The following CERT1 variants were observed in gnomAD, a reference collection of about 807,000 sequenced individuals.
The protein encoded by CERT1 is ceramide transporter 1, also known as ceramide transfer protein.
A neutral mutation model predicts 87.9 loss-of-function variants in CERT1; 31 were observed. That is an observed-to-expected ratio of 0.35 (90% CI 0.27 to 0.48). The LOEUF is 0.48. Among genes scored for constraint, CERT1 ranks in the 20% least tolerant of loss-of-function variants. The pLI is 0.99. For missense variants in CERT1, 487 were observed against 758.0 expected, an observed-to-expected ratio of 0.64 and a Z score of 4.20; for synonymous variants, 289 against 250.9, an observed-to-expected ratio of 1.15 and a Z score of -1.44.
intron 7 of CERT1, among the ~76,000 whole-genome samples, chr5:75,412,810 G>A (rs191697392): frequency 6.6e-6 from 1 of 152,320 alleles, no homozygotes; most frequent in East Asian, 1.9e-4. Flanking sequence ...GAGTGAGTGA[G>A]TGAGTAGTCA....
downstream of CERT1, chr5:75,373,265 T>C (rs1475540872): frequency 2.6e-5 from 4 of 152,170 alleles, no homozygotes; most frequent in Admixed American, 6.5e-5. Flanking sequence ...TCAAACTCAG[T>C]CTGATTTGCT....
chr5:75,503,559 AAAGTTC>A (rs1165008890), intron 2 of CERT1, among the ~76,000 whole-genome samples: 3 of 151,986 alleles, frequency 2.0e-5, no homozygotes, highest in African/African-American at 7.2e-5. Context: ...AAGGGCAAGG[AAAGTTC>A]AAGTTCAATA....
intron 3 of CERT1, among the ~76,000 whole-genome samples, chr5:75,454,459 G>C (rs1764887945): frequency 2.0e-5 from 3 of 152,178 alleles, no homozygotes; most frequent in Admixed American, 2.0e-4. Flanking sequence ...CAGACAAAAA[G>C]CAAATAAAGC....
At chr5:75,415,411 G>A (rs989668705) in intron 7 of CERT1, among the ~76,000 whole-genome samples, 5 of 152,054 alleles carry the variant, frequency 3.3e-5, no homozygotes, top group African/African-American at 7.2e-5. Context: ...TTTTTTTCCC[G>A]CAGATCTTTG....
intron 7 of CERT1, among the ~76,000 whole-genome samples, chr5:75,412,256 G>A (rs1346486643): frequency 1.3e-5 from 2 of 151,960 alleles, no homozygotes; most frequent in Non-Finnish European, 2.9e-5. Flanking sequence ...GGTAATGTAA[G>A]CACCACACTT....
At chr5:75,459,821 G>A (rs1324822934) in intron 2 of CERT1, among the ~76,000 whole-genome samples, 1 of 151,906 alleles carries the variant, frequency 6.6e-6, no homozygotes, top group African/African-American at 2.4e-5. Context: ...AAATCAGCTG[G>A]GCGTGGTGGT....
chr5:75,430,812 G>A (rs551320977), intron 3 of CERT1, among the ~76,000 whole-genome samples: 2 of 152,146 alleles, frequency 1.3e-5, no homozygotes, highest in South Asian at 2.1e-4. Flanking sequence ...CAAGGCAGGA[G>A]AACTGCTTAA....
rs61610976 is a variant in CERT1, at chr5:75,405,016, AAACAACAAC to A, written c.931-1967_931-1959del. Among the ~76,000 whole-genome samples the A allele has an allele frequency of 4.0e-5, 6 of 151,854 alleles. No individual in the cohort carries two copies. The South Asian group carries it at 6.3e-4, about 16-fold the overall frequency. On this transcript the variant is annotated intron_variant, in intron 8 of 16. Coordinates refer to ENST00000643780, the MANE Select transcript of CERT1 (RefSeq NM_001379029.1). ...GGGTGGTAGAGCAAGACTCAGTCTC[AAACAACAAC>A]AACAACAACAACAACAAAAATTCTA...
At chr5:75,492,610 T>A (rs1289047026) in intron 2 of CERT1, among the ~76,000 whole-genome samples, 1 of 152,222 alleles carries the variant, frequency 6.6e-6, no homozygotes, top group African/African-American at 2.4e-5. Flanking sequence ...GTTCCCCTCA[T>A]ACCTCTTCCC....
At chr5:75,375,071 C>T, downstream of CERT1, 2 of 175,728 alleles carry the variant, frequency 1.1e-5, no homozygotes, top group Non-Finnish European at 2.4e-5. Context: ...GCACAGGCAC[C>T]TGAAAAAAAA....
chr5:75,371,846 C>G (rs1346669085), intron 17 of CERT1: 2 of 152,134 alleles, frequency 1.3e-5, no homozygotes, highest in Non-Finnish European at 1.5e-5. Context: ...ATGTAGGAAT[C>G]AGCTTAATGA....
upstream of CERT1, chr5:75,511,861 G>A: frequency 6.5e-7 from 1 of 1,532,712 alleles, no homozygotes. Flanking sequence ...AAGGGCGTTG[G>A]TCCGTCGCTC....
At chr5:75,423,689 T>C (rs1380373709) in intron 5 of CERT1, among the ~76,000 whole-genome samples, 1 of 152,196 alleles carries the variant, frequency 6.6e-6, no homozygotes, top group Admixed American at 6.5e-5. Flanking sequence ...CACAGGGAGC[T>C]ATGAACATTC....
chr5:75,484,362 C>T (rs1252330104), intron 2 of CERT1, among the ~76,000 whole-genome samples: 1 of 142,994 alleles, frequency 7.0e-6, no homozygotes, highest in Non-Finnish European at 1.5e-5. Flanking sequence ...AACCAGAAAA[C>T]AAATAACAAA....
intron 2 of CERT1, among the ~76,000 whole-genome samples, chr5:75,501,376 T>C (rs2112459764): frequency 6.6e-6 from 1 of 152,242 alleles, no homozygotes; most frequent in South Asian, 2.1e-4. Context: ...AACCAACCTA[T>C]GATAAGAATA....
At chr5:75,447,281 G>T (rs1764584583) in intron 3 of CERT1, among the ~76,000 whole-genome samples, 1 of 152,034 alleles carries the variant, frequency 6.6e-6, no homozygotes, top group African/African-American at 2.4e-5. Context: ...TGTTGTCTAG[G>T]TGGGGAGACA....
At chr5:75,447,147 T>G (rs1764576997) in intron 3 of CERT1, among the ~76,000 whole-genome samples, 1 of 152,184 alleles carries the variant, frequency 6.6e-6, no homozygotes, top group African/African-American at 2.4e-5. Context: ...ACTACTGTGT[T>G]AAGAGCTGAA....
At chr5:75,465,329 CA>C (rs1441454941) in intron 2 of CERT1, among the ~76,000 whole-genome samples, 1 of 152,156 alleles carries the variant, frequency 6.6e-6, no homozygotes, top group Non-Finnish European at 1.5e-5. Context: ...TGATAATTTC[CA>C]AATATCCTGC....
chr5:75,419,894 T>C (rs1763298494), intron 5 of CERT1, among the ~76,000 whole-genome samples: 1 of 152,150 alleles, frequency 6.6e-6, no homozygotes, highest in African/African-American at 2.4e-5. Context: ...CCATTTCCAC[T>C]CTGTAAGAGG....
Sources: gnomAD v4.1 joint callset for allele counts (sites outside exome capture counted in the v4.1 genomes callset) on GRCh38, gnomAD v4.1.1 for gene constraint, MANE v1.5 for transcripts, NCBI Gene and HGNC (gene_info 2026-07-23, HGNC 2026-07-21) for gene names.